Variants in NRG3 observed in about 807,000 individuals in gnomAD.
NRG3 encodes the protein neuregulin 3.
NRG3 carries 31 observed loss-of-function variants against 66.9 expected under a neutral mutation model. The observed-to-expected ratio is 0.46, with a 90% confidence interval of 0.35 to 0.63. The LOEUF is 0.63. Ranked by LOEUF, NRG3 falls within the 20% of genes least tolerant of loss-of-function variation. NRG3 has a pLI of 0.00. For missense variants in NRG3, 910 were observed against 878.9 expected, an observed-to-expected ratio of 1.04 and a Z score of -0.45; for synonymous variants, 393 against 359.4, an observed-to-expected ratio of 1.09 and a Z score of -1.06.
At chr10:81,994,258 CT>C (rs1488119145) in intron 1 of NRG3, among the ~76,000 whole-genome samples, 9 of 152,012 alleles carry the variant, frequency 5.9e-5, no homozygotes, top group African/African-American at 2.2e-4. Context: ...ACTTAAAATG[CT>C]TTTTATGCCT....
At chr10:81,876,519 A>T (rs906167015) in intron 1 of NRG3, among the ~76,000 whole-genome samples, 17 of 152,074 alleles carry the variant, frequency 1.1e-4, no homozygotes, top group Admixed American at 2.6e-4. Flanking sequence ...GCTCCAGTAG[A>T]GGGCCAGGGA....
At chr10:82,834,684 C>A (rs547880879) in intron 3 of NRG3, among the ~76,000 whole-genome samples, 1 of 152,216 alleles carries the variant, frequency 6.6e-6, no homozygotes, top group Non-Finnish European at 1.5e-5. Context: ...CAGAGGTCCA[C>A]TCTCACTCCT....
chr10:82,003,988 A>ACACAC (rs2061275719), intron 1 of NRG3, among the ~76,000 whole-genome samples: 1 of 134,338 alleles, frequency 7.4e-6, no homozygotes, highest in African/African-American at 2.8e-5. Context: ...CCTGACTGAA[A>ACACAC]ACACACACAC....
At chr10:82,771,646 C>A (rs552533084) in intron 3 of NRG3, among the ~76,000 whole-genome samples, 1 of 152,292 alleles carries the variant, frequency 6.6e-6, no homozygotes, top group Non-Finnish European at 1.5e-5. Flanking sequence ...ATTCATTCAA[C>A]ACTTACCAAA....
At chr10:81,979,825 A>G (rs1318318355) in intron 1 of NRG3, among the ~76,000 whole-genome samples, 1 of 152,190 alleles carries the variant, frequency 6.6e-6, no homozygotes, top group Non-Finnish European at 1.5e-5. Flanking sequence ...AAAATTTTAA[A>G]TAAATTAATA....
intron 1 of NRG3, among the ~76,000 whole-genome samples, chr10:82,212,401 T>G (rs1564668809): frequency 6.6e-6 from 1 of 152,218 alleles, no homozygotes; most frequent in Non-Finnish European, 1.5e-5. Context: ...TTCCACACAC[T>G]TTAATTTCAA....
chr10:82,274,851 T>G (rs1564737548), intron 1 of NRG3, among the ~76,000 whole-genome samples: 1 of 151,988 alleles, frequency 6.6e-6, no homozygotes, highest in Non-Finnish European at 1.5e-5. Context: ...ATTACCTCAC[T>G]TGATCAGACA....
chr10:82,074,115 G>A (rs1388563730), intron 1 of NRG3, among the ~76,000 whole-genome samples: 6 of 152,010 alleles, frequency 3.9e-5, no homozygotes, highest in South Asian at 2.1e-4. Flanking sequence ...GAAGGACAAC[G>A]TGGCTGCTGT....
chr10:82,220,559 G>T (rs867648552), intron 1 of NRG3, among the ~76,000 whole-genome samples: 1 of 152,046 alleles, frequency 6.6e-6, no homozygotes, highest in Non-Finnish European at 1.5e-5. Flanking sequence ...GCTGAGGGTG[G>T]ACATTGAGGA....
chr10:82,078,061 C>T (rs1051062777), intron 1 of NRG3, among the ~76,000 whole-genome samples: 5 of 152,050 alleles, frequency 3.3e-5, no homozygotes, highest in African/African-American at 4.8e-5. Flanking sequence ...CTGATCCATA[C>T]ACTGTTTCTT....
intron 1 of NRG3, among the ~76,000 whole-genome samples, chr10:81,993,141 T>C: frequency 6.6e-6 from 1 of 152,196 alleles, no homozygotes; most frequent in East Asian, 1.9e-4. Flanking sequence ...TTTCATCTGC[T>C]TAATTTTTCA....
intron 3 of NRG3, among the ~76,000 whole-genome samples, chr10:82,777,585 A>G (rs1372020902): frequency 6.6e-6 from 1 of 152,098 alleles, no homozygotes; most frequent in African/African-American, 2.4e-5. Flanking sequence ...GAGAACAGGG[A>G]GGTAGTTGTG....
At chr10:82,601,601 A>G (rs1001727450) in intron 2 of NRG3, among the ~76,000 whole-genome samples, 3 of 151,750 alleles carry the variant, frequency 2.0e-5, no homozygotes, top group Non-Finnish European at 4.4e-5. Context: ...TTATATCAAT[A>G]TCAGAATTGG....
At chr10:82,437,181 A>G (rs2090184820) in intron 2 of NRG3, among the ~76,000 whole-genome samples, 1 of 151,814 alleles carries the variant, frequency 6.6e-6, no homozygotes. Context: ...CCAATCAATC[A>G]TAGGTTTGGT....
rs796377271 is a variant in NRG3 at position 82,900,679 on chromosome 10, T to C, written c.1054+35242T>C. Among the ~76,000 whole-genome samples the C allele has an allele frequency of 1.3e-4, 20 of 152,280 alleles. 1 individual carries two copies. The highest frequency in any genetic ancestry group is 4.6e-4 in the African/African-American group (19 of 41,568). ...AATCACAGTGGCCTTATAGGGTTGG[T>C]ATAATGATCCCCATTTTACAAATGA... is the stretch of plus-strand genomic sequence containing the variant. On this transcript the variant is annotated intron_variant, in intron 4 of 8. Transcript: ENST00000372141.
chr10:82,621,481 A>C (rs1433800618), intron 2 of NRG3, among the ~76,000 whole-genome samples: 3 of 152,226 alleles, frequency 2.0e-5, no homozygotes. Context: ...GATTGGCTGC[A>C]TGCAAAACAG....
chr10:82,503,850 G>A (rs1844424240), intron 2 of NRG3, among the ~76,000 whole-genome samples: 2 of 152,148 alleles, frequency 1.3e-5, no homozygotes, highest in Non-Finnish European at 2.9e-5. Context: ...TCAAGCTATG[G>A]AATGTTGTTC....
At chr10:82,246,377 T>C (rs186569969) in intron 1 of NRG3, among the ~76,000 whole-genome samples, 1 of 152,340 alleles carries the variant, frequency 6.6e-6, no homozygotes, top group African/African-American at 2.4e-5. Context: ...GAGGGTGTTA[T>C]AACATGTTTT....
intron 2 of NRG3, among the ~76,000 whole-genome samples, chr10:82,491,317 A>ATATATATATATATATATATATATAT (rs1564985027): frequency 5.8e-4 from 19 of 32,984 alleles, no homozygotes; most frequent in African/African-American, 1.1e-3. Context: ...TATATATATA[A>ATATATATATATATATATATATATAT]AATAAAGATG....
Sources: gnomAD v4.1 joint callset for allele counts (sites outside exome capture counted in the v4.1 genomes callset) on GRCh38, gnomAD v4.1.1 for gene constraint, MANE v1.5 for transcripts, NCBI Gene and HGNC (gene_info 2026-07-23, HGNC 2026-07-21) for gene names.